Variants in SMYD3 observed in about 807,000 individuals in gnomAD.
SMYD3 encodes histone-lysine N-methyltransferase SMYD3.
A neutral mutation model predicts 57.7 loss-of-function variants in SMYD3; 36 were observed. That is an observed-to-expected ratio of 0.62 (90% CI 0.48 to 0.82). The LOEUF is 0.82. Ranked by LOEUF, SMYD3 falls within the 40% of genes least tolerant of loss-of-function variation. The pLI is 0.00. For synonymous variants in SMYD3, 211 were observed against 195.0 expected, an observed-to-expected ratio of 1.08 and a Z score of -0.68; for missense variants, 515 against 538.8, an observed-to-expected ratio of 0.96 and a Z score of 0.44.
At chr1:246,200,519 G>A (rs1323694922) in intron 5 of SMYD3, among the ~76,000 whole-genome samples, 1 of 151,390 alleles carries the variant, frequency 6.6e-6, no homozygotes, top group Non-Finnish European at 1.5e-5. Context: ...TGTAGACGCT[G>A]AGAAAGAATG....
chr1:246,099,186 T>C (rs760243989), intron 5 of SMYD3, among the ~76,000 whole-genome samples: 9 of 152,208 alleles, frequency 5.9e-5, no homozygotes, highest in Non-Finnish European at 1.2e-4. Context: ...AGAATAATAT[T>C]CAATTTGATA....
At chr1:246,331,682 C>T (rs1008752779) in intron 3 of SMYD3, among the ~76,000 whole-genome samples, 3 of 152,226 alleles carry the variant, frequency 2.0e-5, no homozygotes, top group African/African-American at 7.2e-5. Flanking sequence ...TTTTATCACA[C>T]TTCACTTTAT....
intron 5 of SMYD3, among the ~76,000 whole-genome samples, chr1:246,148,531 C>T (rs1306967235): frequency 1.3e-5 from 2 of 152,150 alleles, no homozygotes; most frequent in East Asian, 1.9e-4. Flanking sequence ...AGGACAAAAA[C>T]GGGCAAAGGT....
At chr1:245,971,278 C>T (rs1203351362) in intron 5 of SMYD3, among the ~76,000 whole-genome samples, 1 of 152,158 alleles carries the variant, frequency 6.6e-6, no homozygotes, top group Non-Finnish European at 1.5e-5. Context: ...AGTGGAACAT[C>T]ACACACCAAG....
chr1:245,959,562 C>T (rs1046037327), intron 5 of SMYD3, among the ~76,000 whole-genome samples: 4 of 152,166 alleles, frequency 2.6e-5, no homozygotes, highest in African/African-American at 9.7e-5. Flanking sequence ...AGCTGACCAA[C>T]TAGATGGTCT....
chr1:246,108,364 G>T (rs1161823285), intron 5 of SMYD3, among the ~76,000 whole-genome samples: 2 of 152,130 alleles, frequency 1.3e-5, no homozygotes, highest in Non-Finnish European at 2.9e-5. Flanking sequence ...ATGAATACAG[G>T]TATCACATCA....
At chr1:245,839,655 C>T (rs2148414376) in intron 10 of SMYD3, among the ~76,000 whole-genome samples, 1 of 151,562 alleles carries the variant, frequency 6.6e-6, no homozygotes, top group African/African-American at 2.4e-5. Flanking sequence ...CAGTAAAACC[C>T]AGTGATTTGT....
intron 10 of SMYD3, among the ~76,000 whole-genome samples, chr1:245,797,743 A>G (rs2047604191): frequency 6.6e-6 from 1 of 150,438 alleles, no homozygotes; most frequent in East Asian, 2.0e-4. Flanking sequence ...AACTCTAAGG[A>G]GATTTCAGGT....
chr1:246,490,767 T>A (rs2068256856), intron 1 of SMYD3, among the ~76,000 whole-genome samples: 1 of 152,044 alleles, frequency 6.6e-6, no homozygotes, highest in South Asian at 2.1e-4. Flanking sequence ...TTCTGGAGGC[T>A]GAGGTGGGAG....
At chr1:246,048,932 T>A (rs1367825239) in intron 5 of SMYD3, among the ~76,000 whole-genome samples, 1 of 152,208 alleles carries the variant, frequency 6.6e-6, no homozygotes, top group Non-Finnish European at 1.5e-5. Flanking sequence ...GGATGGTTTT[T>A]GTCCAAACAG....
At chr1:246,063,994 C>T (rs1010902835) in intron 5 of SMYD3, among the ~76,000 whole-genome samples, 1 of 152,176 alleles carries the variant, frequency 6.6e-6, no homozygotes, top group Non-Finnish European at 1.5e-5. Context: ...CTTTTCTGCA[C>T]AGCGACTAGG....
chr1:246,132,517 C>G (rs191431556), intron 5 of SMYD3, among the ~76,000 whole-genome samples: 118 of 152,142 alleles, frequency 7.8e-4, no homozygotes, highest in Admixed American at 1.9e-3. Flanking sequence ...AACAAAAGAC[C>G]TAAAACTATA....
chr1:246,498,808 A>G (rs2068410943), intron 1 of SMYD3, among the ~76,000 whole-genome samples: 1 of 151,414 alleles, frequency 6.6e-6, no homozygotes, highest in South Asian at 2.1e-4. Context: ...ACCAGACGCT[A>G]CGGTCTGAAT....
chr1:246,195,006 T>C (rs998015021), intron 5 of SMYD3, among the ~76,000 whole-genome samples: 4 of 152,210 alleles, frequency 2.6e-5, no homozygotes, highest in Admixed American at 6.5e-5. Flanking sequence ...ACGCTATACT[T>C]GGCCTACTGA....
chr1:246,230,784 G>A (rs1346994858), intron 5 of SMYD3, among the ~76,000 whole-genome samples: 1 of 152,198 alleles, frequency 6.6e-6, no homozygotes, highest in African/African-American at 2.4e-5. Context: ...GCCACACGTG[G>A]CTGTTGAGCA....
At chr1:246,158,722 T>C (rs549047544) in intron 5 of SMYD3, among the ~76,000 whole-genome samples, 6 of 152,204 alleles carry the variant, frequency 3.9e-5, no homozygotes, top group African/African-American at 1.4e-4. Flanking sequence ...ATATAATCAC[T>C]CCAACACCAT....
intron 5 of SMYD3, among the ~76,000 whole-genome samples, chr1:245,949,258 C>A (rs934473833): frequency 6.6e-6 from 1 of 152,146 alleles, no homozygotes. Context: ...GACTTGCTAA[C>A]GTGGATGCCA....
chr1:245,834,661 C>G (rs984878569), intron 10 of SMYD3, among the ~76,000 whole-genome samples: 2 of 152,112 alleles, frequency 1.3e-5, no homozygotes, highest in East Asian at 3.9e-4. Flanking sequence ...CTGAGCAGCC[C>G]CAGTGGAGCA....
chr1:246,304,751 T>G (rs1191494073), intron 5 of SMYD3, among the ~76,000 whole-genome samples: 3 of 152,206 alleles, frequency 2.0e-5, no homozygotes, highest in African/African-American at 7.2e-5. Flanking sequence ...AGTTTGAACT[T>G]AATGTTCTGT....
Sources: allele counts gnomAD v4.1 joint callset (sites outside exome capture counted in the v4.1 genomes callset), GRCh38; gene constraint gnomAD v4.1.1; transcripts MANE v1.5; gene names NCBI Gene and HGNC (gene_info 2026-07-23, HGNC 2026-07-21).